The following SETBP1 variants were observed in gnomAD, a reference collection of about 807,000 sequenced individuals.
The protein encoded by SETBP1 is SET binding protein 1.
A neutral mutation model predicts 101.0 loss-of-function variants in SETBP1; 9 were observed. The observed-to-expected ratio is 0.09, with a 90% CI of 0.05 to 0.16. The LOEUF is 0.16. SETBP1 is among the 10% of genes least tolerant of loss of function. The pLI is 1.00. For missense variants in SETBP1, 1,858 were observed against 2,033.8 expected, an observed-to-expected ratio of 0.91 and a Z score of 1.66; for synonymous variants, 818 against 788.5, an observed-to-expected ratio of 1.04 and a Z score of -0.63.
intron 2 of SETBP1, among the ~76,000 whole-genome samples, chr18:44,710,736 G>A (rs1381834185): frequency 3.3e-5 from 5 of 152,140 alleles, no homozygotes; most frequent in Admixed American, 3.3e-4. Flanking sequence ...AGGAGTGAAT[G>A]ACCGCACCCA....
Position 45,063,949 on chromosome 18 carries a change from G to A in SETBP1, c.*251G>A. On this transcript the variant is annotated 3_prime_UTR_variant, in exon 6 of 6. Transcript: ENST00000649279. ...CTCCCACCACGCGGCGCTTCAGTAC[G>A]GCTGGATCCTCCGCAGGCGAGCGGA... The A allele has an allele frequency of 2.3e-6, 1 of 430,734 alleles. No individual in the cohort carries two copies. The highest frequency in any genetic ancestry group is 2.8e-5 in the South Asian group (1 of 36,084). The allele number at this position is 430,734 out of a possible 1,614,324, so 26.7% of individuals were successfully genotyped here. A position where few individuals can be genotyped will look rare whatever the true frequency, so the allele number is the denominator to read the frequency against.
At chr18:44,725,944 G>T (rs535913669) in intron 2 of SETBP1, among the ~76,000 whole-genome samples, 1 of 152,154 alleles carries the variant, frequency 6.6e-6, no homozygotes, top group Admixed American at 6.5e-5. Context: ...TAGTGGCCAG[G>T]GGTGGGGAGG....
intron 4 of SETBP1, among the ~76,000 whole-genome samples, chr18:44,971,989 C>G (rs922965101): frequency 1.3e-5 from 2 of 152,136 alleles, no homozygotes; most frequent in Admixed American, 6.5e-5. Context: ...AGGTTTTCTT[C>G]TAGGGTTTTT....
intron 4 of SETBP1, among the ~76,000 whole-genome samples, chr18:45,005,945 CTTTTTT>C (rs1032603185): frequency 1.9e-5 from 2 of 103,170 alleles, no homozygotes; most frequent in African/African-American, 8.1e-5. Flanking sequence ...TGCACCCGGC[CTTTTTT>C]TTTTTTTTTT....
At chr18:44,704,267 G>C (rs1047280985) in intron 2 of SETBP1, among the ~76,000 whole-genome samples, 3 of 152,194 alleles carry the variant, frequency 2.0e-5, no homozygotes, top group Non-Finnish European at 2.9e-5. Flanking sequence ...TTTCACCCAA[G>C]AAGCTGGATG....
intron 3 of SETBP1, among the ~76,000 whole-genome samples, chr18:44,887,394 G>A (rs1380477274): frequency 2.0e-5 from 3 of 152,106 alleles, no homozygotes; most frequent in African/African-American, 7.2e-5. Context: ...TGTTCTCACT[G>A]GGGAAGTCCC....
rs4024595 is a variant in SETBP1, at chr18:44,848,072, GGTGTGTGTGTGT to G, written c.487-21137_487-21126del. On this transcript the variant is annotated intron_variant, in intron 2 of 5. Coordinates refer to ENST00000649279, the MANE Select transcript of SETBP1 (RefSeq NM_015559.3). ...TTAATTAACATCTCTACTCTCTGAA[GGTGTGTGTGTGT>G]GTGTGTGTGTGTGTGTGTGTAACCT... Among the ~76,000 whole-genome samples, 25 of 148,634 alleles carry G rather than the reference GGTGTGTGTGTGT, an allele frequency of 1.7e-4. No individual in the cohort carries two copies. The South Asian group carries it at 2.0e-3, about 12-fold the overall frequency.
intron 2 of SETBP1, among the ~76,000 whole-genome samples, chr18:44,800,642 C>A (rs2071586606): frequency 6.6e-6 from 1 of 151,970 alleles, no homozygotes; most frequent in Admixed American, 6.6e-5. Context: ...TCCAAAAGAC[C>A]CCAAGAGGGA....
chr18:45,020,258 TAAAAAAAAAAAAAAAAAAAA>T lies in SETBP1; in HGVS notation c.4001-18209_4001-18190del, dbSNP rs57134217. On this transcript the variant is annotated intron_variant, in intron 4 of 5. Transcript: ENST00000649279. ...CTGGTGACAGAGCAAGACTCTGTCT[TAAAAAAAAAAAAAAAAAAAA>T]AAAAAAAAAAAAAAAAAGTGGCTTC... 5.7e-4 allele frequency among the ~76,000 whole-genome samples: 30 copies of T among 53,084 alleles called. No individual in the cohort carries two copies. The South Asian group carries it at 0.015, about 27-fold the overall frequency. The allele number at this position is 53,084 out of a possible 152,430, so 34.8% of individuals were successfully genotyped here. A position where few individuals can be genotyped will look rare whatever the true frequency, so the allele number is the denominator to read the frequency against.
intron 2 of SETBP1, among the ~76,000 whole-genome samples, chr18:44,770,800 T>G (rs1251469951): frequency 8.2e-6 from 1 of 122,222 alleles, no homozygotes; most frequent in East Asian, 2.3e-4. Context: ...TTCCTGACAG[T>G]AGGGTGGGAG....
At chr18:44,923,213 C>G (rs1474190460) in intron 3 of SETBP1, among the ~76,000 whole-genome samples, 1 of 152,176 alleles carries the variant, frequency 6.6e-6, no homozygotes, top group Admixed American at 6.5e-5. Context: ...AAAAATATGA[C>G]CTTCTGGGCA....
At chr18:45,044,772 C>T (rs1378281165) in intron 5 of SETBP1, among the ~76,000 whole-genome samples, 2 of 152,184 alleles carry the variant, frequency 1.3e-5, no homozygotes, top group Non-Finnish European at 2.9e-5. Context: ...GTTCATTCAA[C>T]TCTTTAATGC....
chr18:45,035,104 A>G (rs2073370965), intron 4 of SETBP1, among the ~76,000 whole-genome samples: 1 of 152,158 alleles, frequency 6.6e-6, no homozygotes, highest in African/African-American at 2.4e-5. Flanking sequence ...CACTCTCCCA[A>G]GGACCAGTAC....
chr18:44,917,714 C>T (rs567795479), intron 3 of SETBP1, among the ~76,000 whole-genome samples: 1 of 152,270 alleles, frequency 6.6e-6, no homozygotes, highest in African/African-American at 2.4e-5. Flanking sequence ...TGTCCTCAAG[C>T]CTGCCAGTGT....
At chr18:45,028,099 G>A (rs980150701) in intron 4 of SETBP1, among the ~76,000 whole-genome samples, 10 of 151,788 alleles carry the variant, frequency 6.6e-5, no homozygotes, top group African/African-American at 1.2e-4. Context: ...CCATGCTGGC[G>A]TGCTGCACCC....
chr18:44,950,813 A>G lies in SETBP1; in HGVS notation c.1473A>G (p.Pro491=). ...GTGGAAATGCTGAGAAAGTTATCCCAGGAGGTGTGTCTAAGCCGCGGAAGC... is the reference window on the plus strand; with the variant it reads ...GTGGAAATGCTGAGAAAGTTATCCCGGGAGGTGTGTCTAAGCCGCGGAAGC... ...ETGGNAEKVI[P]GGVSKPRKPP... is the part of the protein sequence containing the mutation. Residue 491 remains proline, a synonymous_variant, in exon 4 of 6, where the codon CCA becomes CCG. Transcript: ENST00000649279. 1 of 1,614,144 alleles carries G rather than the reference A, an allele frequency of 6.2e-7. No homozygotes were observed. The highest frequency in any genetic ancestry group is 1.1e-5 in the South Asian group (1 of 91,072).
chr18:45,063,797 A>G lies in SETBP1; in HGVS notation c.*99A>G. ...GGAATCCCCCGCTGCAGGGACACCC[A>G]CGCCCTTCTCTCCAGAAGCCGGGCA... On this transcript the variant is annotated 3_prime_UTR_variant, in exon 6 of 6. Transcript: ENST00000649279. 7.4e-7 allele frequency: 1 copy of G among 1,345,520 alleles called. No homozygotes were observed. Among genetic ancestry groups the G allele is most frequent in the Non-Finnish European group, 1.0e-6 (1 of 983,256 alleles). 83.3% of individuals were successfully genotyped at this position (1,345,520 alleles called of 1,614,324 possible).
chr18:45,010,356 G>A (rs1186708525), intron 4 of SETBP1, among the ~76,000 whole-genome samples: 4 of 152,148 alleles, frequency 2.6e-5, no homozygotes, highest in Non-Finnish European at 2.9e-5. Flanking sequence ...ATAGGCCTGG[G>A]AAATTCCTAA....
intron 2 of SETBP1, among the ~76,000 whole-genome samples, chr18:44,835,985 A>C (rs2072486638): frequency 6.6e-6 from 1 of 152,218 alleles, no homozygotes. Flanking sequence ...CAGCCAGGGG[A>C]GCCTGCCTGG....
Sources: gnomAD v4.1 joint callset for allele counts (sites outside exome capture counted in the v4.1 genomes callset) on GRCh38, gnomAD v4.1.1 for gene constraint, MANE v1.5 for transcripts, NCBI Gene and HGNC (gene_info 2026-07-23, HGNC 2026-07-21) for gene names.